Variants in NKAIN2 observed in about 807,000 individuals in gnomAD.
NKAIN2 encodes sodium/potassium transporting ATPase interacting 2, also known as sodium/potassium-transporting ATPase subunit beta-1-interacting protein 2.
In NKAIN2, 14 loss-of-function variants were observed where a neutral mutation model predicts 32.6. The ratio of observed to expected loss-of-function variants is 0.43; its 90% CI spans 0.28 to 0.67. The LOEUF is 0.67. NKAIN2 is among the 30% of genes least tolerant of loss of function. The pLI is 0.17. For synonymous variants in NKAIN2, 80 were observed against 87.2 expected, an observed-to-expected ratio of 0.92 and a Z score of 0.46; for missense variants, 198 against 258.3, an observed-to-expected ratio of 0.77 and a Z score of 1.60.
chr6:124,632,292 C>A (rs1783600451), intron 3 of NKAIN2, among the ~76,000 whole-genome samples: 1 of 151,914 alleles, frequency 6.6e-6, no homozygotes, highest in Non-Finnish European at 1.5e-5. Context: ...TTTGTATAGA[C>A]AAAATGAAAT....
chr6:124,175,202 T>C (rs983916256), intron 1 of NKAIN2, among the ~76,000 whole-genome samples: 12 of 152,202 alleles, frequency 7.9e-5, no homozygotes, highest in African/African-American at 2.6e-4. Context: ...TCTCATTGCA[T>C]AGACAGCGTG....
intron 3 of NKAIN2, among the ~76,000 whole-genome samples, chr6:124,398,010 T>C (rs1773460119): frequency 1.3e-5 from 2 of 151,852 alleles, no homozygotes; most frequent in South Asian, 4.2e-4. Context: ...TCCCAGCACT[T>C]TGGGAGGCCG....
intron 1 of NKAIN2, among the ~76,000 whole-genome samples, chr6:123,872,201 A>G (rs1467426481): frequency 1.3e-5 from 2 of 152,252 alleles, no homozygotes; most frequent in Non-Finnish European, 2.9e-5. Flanking sequence ...AAGTAAAAGC[A>G]ATTTATTAGG....
chr6:124,339,096 A>T (rs1051384901), intron 2 of NKAIN2, among the ~76,000 whole-genome samples: 4 of 152,150 alleles, frequency 2.6e-5, no homozygotes, highest in African/African-American at 9.7e-5. Flanking sequence ...TAATCCCAGC[A>T]TTGTGGGAGG....
chr6:124,012,525 G>A (rs755035796), intron 1 of NKAIN2, among the ~76,000 whole-genome samples: 1 of 151,808 alleles, frequency 6.6e-6, no homozygotes, highest in Non-Finnish European at 1.5e-5. Flanking sequence ...TAGTAGAGAC[G>A]GGGTTTCACC....
At chr6:124,121,877 G>A (rs1473485849) in intron 1 of NKAIN2, 1 of 1,204,370 alleles carries the variant, frequency 8.3e-7, no homozygotes, top group Admixed American at 2.4e-5. Flanking sequence ...TATATTTACA[G>A]GTACTGAAGA....
chr6:124,521,914 T>G (rs1438246091), intron 3 of NKAIN2, among the ~76,000 whole-genome samples: 1 of 152,174 alleles, frequency 6.6e-6, no homozygotes, highest in African/African-American at 2.4e-5. Context: ...TTTCCTATCC[T>G]TAAAATCATT....
At chr6:124,302,364 A>C (rs542962746) in intron 2 of NKAIN2, among the ~76,000 whole-genome samples, 2 of 152,236 alleles carry the variant, frequency 1.3e-5, no homozygotes, top group Non-Finnish European at 2.9e-5. Context: ...CTAGGTATCA[A>C]ATGGTTTTTA....
intron 4 of NKAIN2, among the ~76,000 whole-genome samples, chr6:124,728,819 A>T (rs1350905357): frequency 6.6e-6 from 1 of 152,002 alleles, no homozygotes; most frequent in Non-Finnish European, 1.5e-5. Flanking sequence ...AGCAAGACTA[A>T]TAAAGAAAAA....
intron 1 of NKAIN2, among the ~76,000 whole-genome samples, chr6:123,819,454 T>C (rs890352081): frequency 4.6e-5 from 7 of 152,194 alleles, no homozygotes; most frequent in Admixed American, 1.3e-4. Flanking sequence ...AGTCAGTGCT[T>C]GCTAAAATTT....
chr6:124,710,401 C>T (rs1232194962), intron 4 of NKAIN2, among the ~76,000 whole-genome samples: 1 of 150,766 alleles, frequency 6.6e-6, no homozygotes, highest in Non-Finnish European at 1.5e-5. Context: ...CTTTCTGTCT[C>T]GTTGATCTGT....
At chr6:124,171,540 C>T (rs1214365141) in intron 1 of NKAIN2, among the ~76,000 whole-genome samples, 2 of 125,180 alleles carry the variant, frequency 1.6e-5, no homozygotes, top group Non-Finnish European at 3.2e-5. Context: ...AAGAGAGGGC[C>T]GATTTGATTT....
intron 3 of NKAIN2, among the ~76,000 whole-genome samples, chr6:124,509,851 A>G (rs1037158507): frequency 3.3e-5 from 5 of 152,228 alleles, no homozygotes; most frequent in African/African-American, 4.8e-5. Flanking sequence ...ATGGTCTTTG[A>G]GAAGATATGG....
chr6:124,077,047 A>G (rs1783727462), intron 1 of NKAIN2, among the ~76,000 whole-genome samples: 1 of 152,316 alleles, frequency 6.6e-6, no homozygotes, highest in East Asian at 1.9e-4. Context: ...GCACTTTGTA[A>G]ATTCGAAATA....
chr6:124,121,980 C>G (rs1446007499), intron 1 of NKAIN2: 1 of 703,276 alleles, frequency 1.4e-6, no homozygotes, highest in Non-Finnish European at 2.1e-6. Flanking sequence ...TTTGTGTCTA[C>G]AGGGTAATAT....
intron 4 of NKAIN2, among the ~76,000 whole-genome samples, chr6:124,755,771 A>T (rs529280942): frequency 1.3e-5 from 2 of 152,256 alleles, no homozygotes; most frequent in African/African-American, 2.4e-5. Flanking sequence ...ACTAGGCCTA[A>T]TGACACCTGG....
chr6:124,709,883 T>C (rs1413772231), intron 4 of NKAIN2, among the ~76,000 whole-genome samples: 1 of 152,066 alleles, frequency 6.6e-6, no homozygotes, highest in African/African-American at 2.4e-5. Context: ...CTTTTGAATG[T>C]GTTTGCTCTT....
intron 3 of NKAIN2, among the ~76,000 whole-genome samples, chr6:124,559,371 G>T (rs116067561): frequency 0.012 from 1,807 of 152,240 alleles, 36 homozygotes; most frequent in African/African-American, 0.041. Flanking sequence ...CATACAAGTT[G>T]TCTCAAAGAA....
At chr6:124,524,269 T>A (rs1779228825) in intron 3 of NKAIN2, among the ~76,000 whole-genome samples, 1 of 152,200 alleles carries the variant, frequency 6.6e-6, no homozygotes, top group Admixed American at 6.5e-5. Context: ...AGTATGTTTA[T>A]TGTTCATTTG....
Sources: gnomAD v4.1 joint callset for allele counts (sites outside exome capture counted in the v4.1 genomes callset) on GRCh38, gnomAD v4.1.1 for gene constraint, MANE v1.5 for transcripts, NCBI Gene and HGNC (gene_info 2026-07-23, HGNC 2026-07-21) for gene names.